The following PXT1 variants were observed in gnomAD, a reference collection of about 807,000 sequenced individuals.
The protein encoded by PXT1 is peroxisomal testis enriched protein 1, also known as peroxisomal testis-specific protein 1.
Under a neutral mutation model 11.0 loss-of-function variants are expected in PXT1, and 11 were observed. That is an observed-to-expected ratio of 1.00 (90% CI 0.63 to 1.66). PXT1 has a LOEUF of 1.66. PXT1 is among the 40% of genes most tolerant of loss of function. The probability of loss-of-function intolerance (pLI) is 0.00; values close to 1 mark genes in which losing one functional copy is unlikely to be tolerated. For synonymous variants in PXT1, 43 were observed against 51.4 expected (o/e 0.84, Z 0.70); for missense variants, 141 against 155.5 (o/e 0.91, Z 0.49).
At chr6:36,401,372 A>G (rs1039778909) in intron 3 of PXT1, among the ~76,000 whole-genome samples, 3 of 152,130 alleles carry the variant, frequency 2.0e-5, no homozygotes, top group Admixed American at 6.6e-5. Context: ...AATGGCTCAC[A>G]TCTATAATCC....
At chr6:36,412,496 C>T (rs1246073771) in intron 3 of PXT1, among the ~76,000 whole-genome samples, 3 of 151,718 alleles carry the variant, frequency 2.0e-5, no homozygotes, top group Non-Finnish European at 4.4e-5. Flanking sequence ...CCCGTCTCTA[C>T]TAAAAATGCA....
intron 4 of PXT1, among the ~76,000 whole-genome samples, chr6:36,399,418 A>G (rs1344428849): frequency 6.6e-6 from 1 of 152,218 alleles, no homozygotes; most frequent in Non-Finnish European, 1.5e-5. Flanking sequence ...AAGTGCTGGG[A>G]TTACAGGCGT....
intron 2 of PXT1, among the ~76,000 whole-genome samples, chr6:36,429,975 G>T (rs1326725485): frequency 6.6e-6 from 1 of 151,888 alleles, no homozygotes; most frequent in Non-Finnish European, 1.5e-5. Context: ...CAGATAGGTG[G>T]ATAGGTGGAT....
intron 3 of PXT1, among the ~76,000 whole-genome samples, chr6:36,417,620 T>C (rs1202841475): frequency 7.5e-6 from 1 of 132,508 alleles, no homozygotes; most frequent in Non-Finnish European, 1.6e-5. Context: ...ATCAAAAACT[T>C]AGCCGGGCGT....
chr6:36,423,532 G>A (rs556465911), intron 3 of PXT1, among the ~76,000 whole-genome samples: 56 of 152,368 alleles, frequency 3.7e-4, no homozygotes, highest in South Asian at 1.4e-3. Context: ...CTCCTGGCGG[G>A]AGCGGGAGTT....
chr6:36,413,645 T>C (rs1250538249), intron 3 of PXT1, among the ~76,000 whole-genome samples: 1 of 152,192 alleles, frequency 6.6e-6, no homozygotes, highest in Admixed American at 6.5e-5. Context: ...CCCTCAAAGA[T>C]GTTATAAACA....
intron 2 of PXT1, among the ~76,000 whole-genome samples, chr6:36,436,585 G>T (rs1366073403): frequency 6.6e-6 from 1 of 152,140 alleles, no homozygotes; most frequent in African/African-American, 2.4e-5. Flanking sequence ...GTTGTATCTG[G>T]GGGAGGGATG....
intron 4 of PXT1, among the ~76,000 whole-genome samples, chr6:36,392,786 G>A (rs1774087710): frequency 6.6e-6 from 1 of 152,124 alleles, no homozygotes; most frequent in Non-Finnish European, 1.5e-5. Flanking sequence ...AGAAGACCAT[G>A]GGTCAGACAC....
chr6:36,417,694 G>A (rs1285354721), intron 3 of PXT1, among the ~76,000 whole-genome samples: 3 of 150,386 alleles, frequency 2.0e-5, no homozygotes, highest in African/African-American at 7.3e-5. Context: ...CTTGAGCCCA[G>A]GAGGTCAAGG....
chr6:36,400,808 A>G (rs1318133968), intron 3 of PXT1, among the ~76,000 whole-genome samples: 1 of 152,184 alleles, frequency 6.6e-6, no homozygotes, highest in South Asian at 2.1e-4. Context: ...GTTTCTACTA[A>G]AAATACAAAA....
intron 3 of PXT1, among the ~76,000 whole-genome samples, chr6:36,419,466 A>G (rs532635116): frequency 6.6e-6 from 1 of 152,314 alleles, no homozygotes; most frequent in East Asian, 1.9e-4. Flanking sequence ...TAGGTAGGCA[A>G]AGGGGCAGAG....
chr6:36,413,625 T>C (rs1001003815), intron 3 of PXT1, among the ~76,000 whole-genome samples: 1 of 152,096 alleles, frequency 6.6e-6, no homozygotes, highest in Non-Finnish European at 1.5e-5. Flanking sequence ...GTGGGAGAAA[T>C]TTTTTAATGC....
intron 4 of PXT1, among the ~76,000 whole-genome samples, chr6:36,395,954 T>A (rs1774139515): frequency 6.6e-6 from 1 of 152,102 alleles, no homozygotes; most frequent in African/African-American, 2.4e-5. Context: ...AGTGAGATAG[T>A]GCCACTGTAC....
At chr6:36,410,407 G>A (rs558027888) in intron 3 of PXT1, among the ~76,000 whole-genome samples, 5 of 150,608 alleles carry the variant, frequency 3.3e-5, no homozygotes, top group Admixed American at 1.3e-4. Flanking sequence ...CCGAGATAGC[G>A]CCATTGCTCG....
chr6:36,425,805 A>ACAAACAAACAAACAAAAAAATAT (rs763685304), intron 3 of PXT1, 109 bp downstream of exon 3: 2 of 321,510 alleles, frequency 6.2e-6, no homozygotes, highest in African/African-American at 4.6e-5. Context: ...AAAAACAAAA[A>ACAAACAAACAAACAAAAAAATAT]ATATATATAT....
chr6:36,407,622 A>C (rs1774309809), intron 3 of PXT1, among the ~76,000 whole-genome samples: 4 of 150,456 alleles, frequency 2.7e-5, no homozygotes, highest in African/African-American at 9.8e-5. Context: ...CCCAGGCTGG[A>C]CTTGAACTTC....
At chr6:36,440,768 C>T (rs1774846357) in intron 1 of PXT1, among the ~76,000 whole-genome samples, 1 of 152,110 alleles carries the variant, frequency 6.6e-6, no homozygotes, top group Non-Finnish European at 1.5e-5. Context: ...GTCTGATATG[C>T]TGTTCATTAT....
chr6:36,394,720 G>A (rs545000643), intron 4 of PXT1, among the ~76,000 whole-genome samples: 1,172 of 59,338 alleles, frequency 0.02, 5 homozygotes, highest in Middle Eastern at 0.061. Flanking sequence ...CATATGTCCC[G>A]GGTTTAAAAA....
At chr6:36,421,167 A>G (rs1034463380) in intron 3 of PXT1, among the ~76,000 whole-genome samples, 4 of 152,080 alleles carry the variant, frequency 2.6e-5, no homozygotes, top group Non-Finnish European at 5.9e-5. Context: ...AACAACAACA[A>G]CAACGACAAA....
Sources: gnomAD v4.1 joint callset for allele counts (sites outside exome capture counted in the v4.1 genomes callset) on GRCh38, gnomAD v4.1.1 for gene constraint, MANE v1.5 for transcripts, NCBI Gene and HGNC (gene_info 2026-07-23, HGNC 2026-07-21) for gene names.